The following PXDNL variants were observed in gnomAD, a reference collection of about 807,000 sequenced individuals.
PXDNL encodes peroxidasin like, also known as probable oxidoreductase PXDNL.
In PXDNL, 145 loss-of-function variants were observed where a neutral mutation model predicts 150.8. The ratio of observed to expected loss-of-function variants is 0.96; its 90% CI spans 0.84 to 1.10. The LOEUF (loss-of-function observed/expected upper bound fraction) is 1.10, where lower values mean the gene tolerates loss of function less well. Among genes scored for constraint, PXDNL ranks in the 50% least tolerant of loss-of-function variants. The probability of loss-of-function intolerance (pLI) is 0.00; values close to 1 mark genes in which losing one functional copy is unlikely to be tolerated. For missense variants in PXDNL, 2,087 were observed against 1,873.9 expected, an observed-to-expected ratio of 1.11 and a Z score of -2.10; for synonymous variants, 757 against 725.7, an observed-to-expected ratio of 1.04 and a Z score of -0.69.
Position 51,343,370 on chromosome 8 carries a change from G to A in PXDNL, c.4016+2463C>T, listed in dbSNP as rs140365096. Among the ~76,000 whole-genome samples the A allele has an allele frequency of 4.4e-3, 674 of 152,278 alleles. 4 individuals carry two copies. Among genetic ancestry groups the A allele is most frequent in the Non-Finnish European group, 7.9e-3 (536 of 68,022 alleles). On this transcript the variant is annotated intron_variant, in intron 20 of 22. Coordinates refer to ENST00000356297, the MANE Select transcript of PXDNL (RefSeq NM_144651.5). ...ACAATCTATAAAGGATTACTAAAGC[G>A]TGTGTTGTTATAAAACAAAACAAAT...
chr8:51,436,495 C>T (rs1350666257), intron 12 of PXDNL: 13 of 340,888 alleles, frequency 3.8e-5, no homozygotes, highest in Non-Finnish European at 7.2e-5. Context: ...AAAGATCCTT[C>T]TTCCATGTGA....
At chr8:51,340,290 C>G (rs561747081) in intron 20 of PXDNL, 1 of 151,978 alleles carries the variant, frequency 6.6e-6, no homozygotes, top group Non-Finnish European at 1.5e-5. Flanking sequence ...TATAAGGAAA[C>G]CTTGGGTTGA....
chr8:51,551,500 T>C (rs1159025056), intron 4 of PXDNL, among the ~76,000 whole-genome samples: 3 of 152,050 alleles, frequency 2.0e-5, no homozygotes, highest in Non-Finnish European at 4.4e-5. Flanking sequence ...TGGAATGAAA[T>C]AGAGAACTCA....
chr8:51,438,377 C>G (rs961672020), intron 12 of PXDNL, among the ~76,000 whole-genome samples: 2 of 152,070 alleles, frequency 1.3e-5, no homozygotes, highest in Non-Finnish European at 2.9e-5. Context: ...GCAAAAAGAG[C>G]AAATCTAGAG....
intron 1 of PXDNL, among the ~76,000 whole-genome samples, chr8:51,693,739 C>T (rs373238730): frequency 3.5e-4 from 53 of 152,266 alleles, no homozygotes; most frequent in Non-Finnish European, 6.5e-4. Flanking sequence ...CACTGCACTC[C>T]GCCCTGGGTG....
intron 4 of PXDNL, among the ~76,000 whole-genome samples, chr8:51,515,679 T>C (rs1811520380): frequency 6.6e-6 from 1 of 152,208 alleles, no homozygotes; most frequent in South Asian, 2.1e-4. Context: ...TTGATTTGTC[T>C]GATCTCTGGA....
At chr8:51,792,909 G>A (rs7832049) in intron 1 of PXDNL, among the ~76,000 whole-genome samples, 6,505 of 152,252 alleles carry the variant, frequency 0.043, 459 homozygotes, top group African/African-American at 0.14. Context: ...ACCCCTGAGG[G>A]CTCTGAGAAC....
At chr8:51,416,809 A>T (rs1203950465) in intron 14 of PXDNL, among the ~76,000 whole-genome samples, 1 of 152,228 alleles carries the variant, frequency 6.6e-6, no homozygotes, top group Non-Finnish European at 1.5e-5. Flanking sequence ...TCTAAACTAC[A>T]CAAATAGAAA....
chr8:51,696,831 A>ATACACAGTTCCACACACATC (rs1563510387), intron 1 of PXDNL, among the ~76,000 whole-genome samples: 1 of 149,588 alleles, frequency 6.7e-6, no homozygotes. Context: ...ACACACACAC[A>ATACACAGTTCCACACACATC]CACACACAGG....
chr8:51,806,418 T>C (rs1186679651), intron 1 of PXDNL, among the ~76,000 whole-genome samples: 1 of 152,226 alleles, frequency 6.6e-6, no homozygotes, highest in Non-Finnish European at 1.5e-5. Flanking sequence ...AGAAATTCAT[T>C]CAGCTTCCAT....
At chr8:51,379,534 TCTTA>T (rs903699422) in intron 17 of PXDNL, among the ~76,000 whole-genome samples, 2 of 152,154 alleles carry the variant, frequency 1.3e-5, no homozygotes, top group Admixed American at 1.3e-4. Flanking sequence ...GGTTTTTTTT[TCTTA>T]CTGTTAATTA....
At chr8:51,354,020 C>A (rs934753552) in intron 19 of PXDNL, among the ~76,000 whole-genome samples, 1 of 152,086 alleles carries the variant, frequency 6.6e-6, no homozygotes, top group Non-Finnish European at 1.5e-5. Context: ...TCTCTTAATG[C>A]ACTGAAACTT....
At position 51,531,695 on chromosome 8, in the gene PXDNL, G is replaced by A. The variant is rs143948243; in HGVS notation, c.380+25145C>T. Among the ~76,000 whole-genome samples, 428 of 152,324 alleles carry A rather than the reference G, an allele frequency of 2.8e-3. 3 individuals carry two copies. The highest frequency in any genetic ancestry group is 9.9e-3 in the African/African-American group (411 of 41,566). ...CTTATACAGATCTATGGGCAAGAAGGAGCTTAAGTCAAGTGAAGAAGATAG... is the reference window on the plus strand; with the variant it reads ...CTTATACAGATCTATGGGCAAGAAGAAGCTTAAGTCAAGTGAAGAAGATAG... On this transcript the variant is annotated intron_variant, in intron 4 of 22. Transcript: ENST00000356297.
chr8:51,717,925 T>C (rs939488816), intron 1 of PXDNL, among the ~76,000 whole-genome samples: 4 of 152,210 alleles, frequency 2.6e-5, no homozygotes, highest in African/African-American at 9.7e-5. Flanking sequence ...AAAACCTTAT[T>C]GTCACCTAAA....
In PXDNL at chr8:51,526,129, T is replaced by A. The variant is rs528075864; in HGVS notation, c.381-26359A>T. Among the ~76,000 whole-genome samples, 6 of 152,174 alleles carry A rather than the reference T, an allele frequency of 3.9e-5. No homozygotes were observed. The South Asian group carries it at 1.2e-3, about 31-fold the overall frequency. On this transcript the variant is annotated intron_variant, in intron 4 of 22. Transcript: ENST00000356297. The stretch of plus-strand genomic sequence containing the variant: ...GTCCTCAGAATGTTCCCAATGTGTG[T>A]GTGTCAATCACAGGAGTCCTGGATC...
rs759784803 is a variant in PXDNL at position 51,453,658 on chromosome 8, C to CTCCA, written c.1106_1109dup (p.Glu370AspfsTer35). 6.2e-7 allele frequency: 1 copy of CTCCA among 1,614,024 alleles called. No individual in the cohort carries two copies. Among genetic ancestry groups the CTCCA allele is most frequent in the Non-Finnish European group, 8.5e-7 (1 of 1,179,890 alleles). On this transcript the variant is annotated frameshift_variant, in exon 10 of 23. Transcript: ENST00000356297. LOFTEE classifies it high-confidence loss of function. The stretch of plus-strand genomic sequence containing the variant: ...TTGCCACGTGCCTGGATCCATCCAG[C>CTCCA]TCCAATCCATTGTCCCTGGTCCAAG...
chr8:51,742,629 T>TTA (rs1050633706), intron 1 of PXDNL, among the ~76,000 whole-genome samples: 10 of 151,310 alleles, frequency 6.6e-5, no homozygotes, highest in African/African-American at 2.2e-4. Flanking sequence ...AAGAAAATGT[T>TTA]TATATATATA....
At chr8:51,631,265 C>T (rs969638281) in intron 2 of PXDNL, among the ~76,000 whole-genome samples, 16 of 151,870 alleles carry the variant, frequency 1.1e-4, no homozygotes, top group African/African-American at 3.6e-4. Context: ...GAACAACAGA[C>T]ACCAGAGCCT....
At chr8:51,407,404 TAACCTACTAC>T (rs1808467053) in intron 17 of PXDNL, among the ~76,000 whole-genome samples, 1 of 152,216 alleles carries the variant, frequency 6.6e-6, no homozygotes, top group Admixed American at 6.5e-5. Context: ...CTCCTATATT[TAACCTACTAC>T]AGACAAAACT....
Sources: allele counts gnomAD v4.1 joint callset (sites outside exome capture counted in the v4.1 genomes callset), GRCh38; gene constraint gnomAD v4.1.1; transcripts MANE v1.5; gene names NCBI Gene and HGNC (gene_info 2026-07-23, HGNC 2026-07-21).